Variants in ZNF611 observed in about 807,000 individuals in gnomAD.
ZNF611 encodes zinc finger protein 611.
ZNF611 carries 6 observed loss-of-function variants against 8.9 expected under a neutral mutation model. That is an observed-to-expected ratio of 0.68 (90% CI 0.37 to 1.34). The LOEUF is 1.34. Among genes scored for constraint, ZNF611 ranks in the 40% most tolerant of loss-of-function variants. The pLI is 0.02. For synonymous variants in ZNF611, 262 were observed against 279.7 expected (o/e 0.94, Z 0.63); for missense variants, 874 against 841.3 (o/e 1.04, Z -0.48).
intron 3 of ZNF611, among the ~76,000 whole-genome samples, chr19:52,722,905 GTTTTT>G (rs372056346): frequency 5.0e-5 from 6 of 120,010 alleles, no homozygotes; most frequent in South Asian, 2.9e-4. Context: ...TTTTGTTTTC[GTTTTT>G]TTTTTTTTTT....
intron 4 of ZNF611, among the ~76,000 whole-genome samples, chr19:52,715,253 C>T (rs146091430): frequency 5.3e-5 from 8 of 151,976 alleles, no homozygotes; most frequent in Middle Eastern, 3.4e-3. Context: ...GTCAGGAGTT[C>T]GAGACCAGCC....
intron 5 of ZNF611, among the ~76,000 whole-genome samples, chr19:52,713,082 G>A (rs1416257813): frequency 6.6e-6 from 1 of 152,144 alleles, no homozygotes; most frequent in African/African-American, 2.4e-5. Flanking sequence ...TGTAATCCCA[G>A]CCACTCAAGA....
In ZNF611 at chr19:52,704,217, T is replaced by C. The variant is rs1027579706; in HGVS notation, c.*720A>G. The C allele has an allele frequency of 3.6e-5, 15 of 414,438 alleles. No individual in the cohort carries two copies. Among genetic ancestry groups the C allele is most frequent in the Non-Finnish European group, 6.3e-5 (13 of 205,174 alleles). 25.7% of individuals were successfully genotyped at this position (414,438 alleles called of 1,614,324 possible). A position where few individuals can be genotyped will look rare whatever the true frequency, so the allele number is the denominator to read the frequency against. ...AACACAAACTCAAGTCAATGCTGAATTGACTCCAATGTCAATTAATGCTTG... is the reference window on the plus strand; with the variant it reads ...AACACAAACTCAAGTCAATGCTGAACTGACTCCAATGTCAATTAATGCTTG... On this transcript the variant is annotated 3_prime_UTR_variant, in exon 6 of 6. Transcript: ENST00000652185.
At chr19:52,717,693 T>G in intron 3 of ZNF611, 1 of 984,908 alleles carries the variant, frequency 1.0e-6, no homozygotes, top group Non-Finnish European at 1.2e-6. Flanking sequence ...CTTCAACATC[T>G]GTAGAGAATA....
chr19:52,726,508 C>T (rs1226892257), intron 3 of ZNF611, among the ~76,000 whole-genome samples: 2 of 152,098 alleles, frequency 1.3e-5, no homozygotes, highest in African/African-American at 4.8e-5. Flanking sequence ...GCAAGCTCCA[C>T]CTCCCGGGTT....
At chr19:52,723,940 T>C (rs940821723) in intron 3 of ZNF611, 4 of 152,306 alleles carry the variant, frequency 2.6e-5, no homozygotes, top group East Asian at 1.9e-4. Flanking sequence ...AACAGCAGTA[T>C]TGCCACCAGC....
At chr19:52,714,236 T>C in intron 4 of ZNF611, 95 bp from the exon 5 acceptor site, 1 of 1,559,768 alleles carries the variant, frequency 6.4e-7, no homozygotes, top group Non-Finnish European at 8.6e-7. Context: ...ATTTATTTGA[T>C]CAAAGATTAT....
chr19:52,710,279 G>T (rs2062271566), intron 5 of ZNF611, among the ~76,000 whole-genome samples: 1 of 149,048 alleles, frequency 6.7e-6, no homozygotes, highest in Non-Finnish European at 1.5e-5. Context: ...CACCCGGGAT[G>T]GAGTAAGTGG....
At chr19:52,730,415 A>C (rs936180167) in intron 1 of ZNF611, among the ~76,000 whole-genome samples, 5 of 145,860 alleles carry the variant, frequency 3.4e-5, no homozygotes, top group South Asian at 2.2e-4. Flanking sequence ...AAAAAAAAAA[A>C]AAAAAAAAAC....
intron 4 of ZNF611, among the ~76,000 whole-genome samples, chr19:52,715,569 G>A (rs112190033): frequency 0.022 from 3,316 of 152,204 alleles, 123 homozygotes; most frequent in African/African-American, 0.075. Context: ...TGACATCAAC[G>A]GGCTCACACC....
intron 4 of ZNF611, among the ~76,000 whole-genome samples, 173 bp downstream of exon 4, chr19:52,715,659 G>C (rs1811305): frequency 0.33 from 50,779 of 151,924 alleles, 8,747 homozygotes; most frequent in East Asian, 0.64. Flanking sequence ...ATGTCACTGG[G>C]TCACAGGAGA....
In ZNF611 at chr19:52,704,511, A is replaced by G. The variant is rs1336591838; in HGVS notation, c.*426T>C. ...CTTGACTGAAGACCTTGGCACAGTC[A>G]TGACATTTGTAAGGTTTCTCTCCAG... On this transcript the variant is annotated 3_prime_UTR_variant, in exon 6 of 6. Coordinates refer to ENST00000652185, the MANE Select transcript of ZNF611 (RefSeq NM_001161499.2). 1 of 1,066,816 alleles carries G rather than the reference A, an allele frequency of 9.4e-7. No individual in the cohort carries two copies. The highest frequency in any genetic ancestry group is 1.6e-5 in the African/African-American group (1 of 64,164). The allele number at this position is 1,066,816 out of a possible 1,614,324, so 66.1% of individuals were successfully genotyped here. A position where few individuals can be genotyped will look rare whatever the true frequency, so the allele number is the denominator to read the frequency against.
intron 1 of ZNF611, among the ~76,000 whole-genome samples, chr19:52,732,130 A>C (rs1364656382): frequency 1.3e-5 from 2 of 151,836 alleles, no homozygotes; most frequent in African/African-American, 2.4e-5. Flanking sequence ...ATTAGCTGGT[A>C]GTGGTGACAG....
At position 52,704,688 on chromosome 19, in the gene ZNF611, G is replaced by A; in HGVS notation, c.*249C>T. The A allele has an allele frequency of 4.4e-6, 7 of 1,598,298 alleles. No individual in the cohort carries two copies. Among genetic ancestry groups the A allele is most frequent in the Non-Finnish European group, 6.0e-6 (7 of 1,167,212 alleles). ...AGACTTTGTGACAATCATTACATTA[G>A]TCAAGTTTCCCTACACCATGAATTG... On this transcript the variant is annotated 3_prime_UTR_variant, in exon 6 of 6. Transcript: ENST00000652185.
intron 5 of ZNF611, among the ~76,000 whole-genome samples, chr19:52,712,095 C>T (rs2062284018): frequency 6.6e-6 from 1 of 152,082 alleles, no homozygotes; most frequent in African/African-American, 2.4e-5. Context: ...AACAATGCAG[C>T]AGTACGGTGG....
At position 52,713,997 on chromosome 19, in the gene ZNF611, C is replaced by G; in HGVS notation, c.190+18G>C. On this transcript the variant is annotated intron_variant, in intron 5 of 5. Coordinates refer to ENST00000652185, the MANE Select transcript of ZNF611 (RefSeq NM_001161499.2). ...GACAAGAGCAGACTCCTCATGTCTG[C>G]AGGGACATTTTCCTCACCCACAGCC... 6.2e-7 allele frequency: 1 copy of G among 1,613,948 alleles called. No individual in the cohort carries two copies. The highest frequency in any genetic ancestry group is 8.5e-7 in the Non-Finnish European group (1 of 1,179,948).
Position 52,705,940 on chromosome 19 carries a change from C to T in ZNF611, c.1115G>A (p.Cys372Tyr), listed in dbSNP as rs906318819. The T allele has an allele frequency of 1.9e-6, 3 of 1,614,052 alleles. No homozygotes were observed. Among genetic ancestry groups the T allele is most frequent in the African/African-American group, 2.7e-5 (2 of 74,922 alleles). The change falls in exon 6 of 6, where the codon TGT becomes TAT. Residue 372 changes from cysteine to tyrosine, a missense_variant. Physicochemically the swap from Cys to Tyr is radical, Grantham distance 194. Transcript: ENST00000652185. ...ACTGAAAACTTTGTCACATTCTTCA[C>T]ATTTGTAAGGTTTCTCTCCAGTATG... ...RIHTGEKPYK[C>Y]EECDKVFSRK...
chr19:52,709,561 T>C (rs11084179), intron 5 of ZNF611, among the ~76,000 whole-genome samples: 65,520 of 151,584 alleles, frequency 0.43, 14,633 homozygotes, highest in African/African-American at 0.55. Context: ...TGAGCCACCA[T>C]GCCCGGACTC....
Position 52,705,800 on chromosome 19 carries a change from T to C in ZNF611, c.1255A>G (p.Ile419Val), listed in dbSNP as rs2062237911. Reference sequence around the variant, plus strand: ...TTATAAGTTTTCTTTGCAGTATGAATTCTTCTATGTCGAGCCAGCTGTGAA... The same window carrying C: ...TTATAAGTTTTCTTTGCAGTATGAACTCTTCTATGTCGAGCCAGCTGTGAA... The part of the protein sequence containing the change: ...WHSQLARHRR[I>V]HTAKKTYKCN... The change falls in exon 6 of 6, where the codon ATT becomes GTT. Residue 419 changes from isoleucine to valine, a missense_variant. Transcript: ENST00000652185. 2.5e-6 allele frequency: 4 copies of C among 1,613,818 alleles called. No homozygotes were observed. Among genetic ancestry groups the C allele is most frequent in the Non-Finnish European group, 3.4e-6 (4 of 1,179,952 alleles).
Sources: gnomAD v4.1 joint callset for allele counts (sites outside exome capture counted in the v4.1 genomes callset) on GRCh38, gnomAD v4.1.1 for gene constraint, MANE v1.5 for transcripts, NCBI Gene and HGNC (gene_info 2026-07-23, HGNC 2026-07-21) for gene names.